FOXP1: variants seen among roughly 807,000 people sequenced by gnomAD.
The protein encoded by FOXP1 is forkhead box protein P1.
A neutral mutation model predicts 98.2 loss-of-function variants in FOXP1; 15 were observed. The observed-to-expected ratio is 0.15, with a 90% CI of 0.10 to 0.24. FOXP1 has a LOEUF of 0.24. Ranked by LOEUF, FOXP1 falls within the 10% of genes least tolerant of loss-of-function variation. The pLI is 1.00. For missense variants in FOXP1, 633 were observed against 848.5 expected, an observed-to-expected ratio of 0.75 and a Z score of 3.15; for synonymous variants, 371 against 314.5, an observed-to-expected ratio of 1.18 and a Z score of -1.90.
intron 3 of FOXP1, among the ~76,000 whole-genome samples, chr3:71,441,504 T>C (rs1278161832): frequency 6.6e-6 from 1 of 152,238 alleles, no homozygotes; most frequent in East Asian, 1.9e-4. Flanking sequence ...GAGCAGGCAG[T>C]GGAGTGAGTA....
intron 7 of FOXP1, among the ~76,000 whole-genome samples, chr3:71,087,427 C>T (rs1289290308): frequency 2.0e-5 from 3 of 152,172 alleles, no homozygotes; most frequent in Admixed American, 1.3e-4. Context: ...GGCATCGAGC[C>T]GCATCAGAGG....
At chr3:71,164,421 G>A (rs768465494) in intron 6 of FOXP1, among the ~76,000 whole-genome samples, 9 of 152,056 alleles carry the variant, frequency 5.9e-5, no homozygotes, top group Admixed American at 5.2e-4. Context: ...GGATGGTCTC[G>A]ATCTCCTGAC....
At chr3:71,276,978 A>G (rs1450391297) in intron 5 of FOXP1, among the ~76,000 whole-genome samples, 1 of 132,810 alleles carries the variant, frequency 7.5e-6, no homozygotes. Flanking sequence ...TTTTTTTTAG[A>G]GACGGAGTCT....
chr3:71,460,272 C>T (rs2087932063), intron 3 of FOXP1, among the ~76,000 whole-genome samples: 1 of 151,974 alleles, frequency 6.6e-6, no homozygotes, highest in Admixed American at 6.6e-5. Flanking sequence ...GACAGTCTCA[C>T]TCTATCACCC....
At chr3:71,440,783 T>C (rs537757365) in intron 3 of FOXP1, among the ~76,000 whole-genome samples, 146 of 152,110 alleles carry the variant, frequency 9.6e-4, no homozygotes, top group Non-Finnish European at 1.7e-3. Flanking sequence ...GAGGATCACT[T>C]GAGCCCAAGC....
intron 11 of FOXP1, among the ~76,000 whole-genome samples, chr3:71,029,362 A>G (rs2046555603): frequency 6.6e-6 from 1 of 151,956 alleles, no homozygotes; most frequent in South Asian, 2.1e-4. Flanking sequence ...GGGGGAACAT[A>G]CACACACTAT....
chr3:71,092,163 G>C (rs1318593403), intron 7 of FOXP1, among the ~76,000 whole-genome samples: 1 of 151,616 alleles, frequency 6.6e-6, no homozygotes, highest in Non-Finnish European at 1.5e-5. Context: ...ACTCCAGCCT[G>C]GGCGACAGAG....
chr3:71,004,633 AAAAG>A lies in FOXP1; in HGVS notation c.975-3578_975-3575del, dbSNP rs368146003. Among the ~76,000 whole-genome samples the A allele has an allele frequency of 2.2e-4, 34 of 152,310 alleles. No individual in the cohort carries two copies. The East Asian group carries it at 5.6e-3, about 25-fold the overall frequency. ...CGTTGTGCACATTTTGACGACTTAA[AAAAG>A]AAAGACTTTCTACCTTCAGAATCCA... On this transcript the variant is annotated intron_variant, in intron 12 of 20. Transcript: ENST00000649528.
intron 5 of FOXP1, among the ~76,000 whole-genome samples, chr3:71,219,260 A>C (rs1443789894): frequency 6.6e-6 from 1 of 152,102 alleles, no homozygotes; most frequent in Non-Finnish European, 1.5e-5. Flanking sequence ...AGCCCATCTG[A>C]TCATGTGACC....
intron 3 of FOXP1, among the ~76,000 whole-genome samples, chr3:71,491,659 T>C (rs1403420367): frequency 6.6e-6 from 1 of 152,124 alleles, no homozygotes; most frequent in African/African-American, 2.4e-5. Context: ...AAATGCAAAG[T>C]ACAAGTTATC....
At chr3:71,413,249 C>T (rs1462304115) in intron 3 of FOXP1, among the ~76,000 whole-genome samples, 2 of 35,960 alleles carry the variant, frequency 5.6e-5, no homozygotes, top group Non-Finnish European at 1.2e-4. Context: ...ACACACACAT[C>T]CCCCAAATAG....
intron 3 of FOXP1, among the ~76,000 whole-genome samples, chr3:71,366,968 A>G (rs1303175548): frequency 6.6e-6 from 1 of 152,184 alleles, no homozygotes; most frequent in Non-Finnish European, 1.5e-5. Context: ...ATGTAAAATT[A>G]TACTTTCTCC....
chr3:71,580,592 A>C (rs962135848), intron 2 of FOXP1, among the ~76,000 whole-genome samples: 1 of 152,170 alleles, frequency 6.6e-6, no homozygotes, highest in Admixed American at 6.5e-5. Flanking sequence ...CCCTGGGTAG[A>C]AAACACCTGA....
intron 6 of FOXP1, among the ~76,000 whole-genome samples, chr3:71,144,431 T>C (rs1343570774): frequency 1.3e-5 from 2 of 152,186 alleles, no homozygotes; most frequent in East Asian, 3.9e-4. Flanking sequence ...CAAGACTGGG[T>C]GTTGTTCAGA....
intron 3 of FOXP1, among the ~76,000 whole-genome samples, chr3:71,409,262 T>G (rs984479232): frequency 2.6e-5 from 4 of 152,142 alleles, no homozygotes; most frequent in African/African-American, 9.7e-5. Context: ...CCATACCACT[T>G]ACCACCAAGA....
chr3:71,163,875 T>C (rs1317781203), intron 6 of FOXP1, among the ~76,000 whole-genome samples: 1 of 152,110 alleles, frequency 6.6e-6, no homozygotes, highest in Non-Finnish European at 1.5e-5. Flanking sequence ...AATCAGTTTT[T>C]TAAATTTTTC....
chr3:71,071,721 C>T (rs2107435624), intron 7 of FOXP1, among the ~76,000 whole-genome samples: 1 of 152,142 alleles, frequency 6.6e-6, no homozygotes, highest in Admixed American at 6.5e-5. Context: ...TTACAGGCAC[C>T]TGCCACCACG....
rs140820558 is a variant in FOXP1, at chr3:71,290,382, G to T, written c.-12+9438C>A. Among the ~76,000 whole-genome samples, 712 of 152,262 alleles carry T rather than the reference G, an allele frequency of 4.7e-3. 3 individuals carry two copies. The highest frequency in any genetic ancestry group is 0.016 in the African/African-American group (656 of 41,532). On this transcript the variant is annotated intron_variant, in intron 5 of 20. Transcript: ENST00000649528. The stretch of plus-strand genomic sequence containing the variant: ...TCAAACTCCCCATCAATTTCACTAG[G>T]AAATCCTTTGGCTCAATGTTTAAAT...
At chr3:71,545,997 T>C (rs919650757) in intron 2 of FOXP1, among the ~76,000 whole-genome samples, 3 of 152,202 alleles carry the variant, frequency 2.0e-5, no homozygotes, top group African/African-American at 7.2e-5. Flanking sequence ...TATTTTCGAG[T>C]TAACCTTAAT....
Sources: gnomAD v4.1 joint callset for allele counts (sites outside exome capture counted in the v4.1 genomes callset) on GRCh38, gnomAD v4.1.1 for gene constraint, MANE v1.5 for transcripts, NCBI Gene and HGNC (gene_info 2026-07-23, HGNC 2026-07-21) for gene names.